The following CPEB1 variants were observed in gnomAD, a reference collection of about 807,000 sequenced individuals.
CPEB1 encodes the protein cytoplasmic polyadenylation element-binding protein 1.
A neutral mutation model predicts 65.8 loss-of-function variants in CPEB1; 7 were observed. That is an observed-to-expected ratio of 0.11 (90% CI 0.06 to 0.20). CPEB1 has a LOEUF of 0.20. Ranked by LOEUF, CPEB1 falls within the 10% of genes least tolerant of loss-of-function variation. The pLI is 1.00. For synonymous variants in CPEB1, 262 were observed against 260.0 expected, an observed-to-expected ratio of 1.01 and a Z score of -0.08; for missense variants, 551 against 712.2, an observed-to-expected ratio of 0.77 and a Z score of 2.58.
At chr15:82,626,288 G>C in intron 3 of CPEB1, among the ~76,000 whole-genome samples, 1 of 151,602 alleles carries the variant, frequency 6.6e-6, no homozygotes, top group East Asian at 1.9e-4. Flanking sequence ...ACAAAAATTA[G>C]CTGGGTGTGG....
At chr15:82,571,782 C>T in intron 3 of CPEB1, 1 of 1,281,444 alleles carries the variant, frequency 7.8e-7, no homozygotes, top group Non-Finnish European at 9.9e-7. Context: ...AGCATGTGAT[C>T]AGGCTGCTGA....
At chr15:82,545,372 G>C (rs2034997483) in intron 12 of CPEB1, among the ~76,000 whole-genome samples, 1 of 152,134 alleles carries the variant, frequency 6.6e-6, no homozygotes, top group Non-Finnish European at 1.5e-5. Flanking sequence ...CTCCAAATCT[G>C]ATCAATGGCA....
At chr15:82,620,608 G>A (rs1438582078) in intron 3 of CPEB1, among the ~76,000 whole-genome samples, 3 of 151,922 alleles carry the variant, frequency 2.0e-5, no homozygotes, top group African/African-American at 7.3e-5. Flanking sequence ...GACCAGCCTG[G>A]TCAACACAGC....
At chr15:82,546,661 G>A in intron 11 of CPEB1, 140 bp from the exon 12 acceptor site, 1 of 686,118 alleles carries the variant, frequency 1.5e-6, no homozygotes, top group South Asian at 1.8e-5. Context: ...TTTAAAGGAG[G>A]CTTGGAGAGA....
chr15:82,646,533 T>C (rs1430978067), intron 1 of CPEB1, among the ~76,000 whole-genome samples: 1 of 151,914 alleles, frequency 6.6e-6, no homozygotes, highest in African/African-American at 2.4e-5. Flanking sequence ...CGAATTCGGC[T>C]CCCGACTCTC....
chr15:82,552,055 C>A (rs1184099696), intron 9 of CPEB1, among the ~76,000 whole-genome samples: 1 of 152,152 alleles, frequency 6.6e-6, no homozygotes, highest in Non-Finnish European at 1.5e-5. Context: ...GAATTCACCC[C>A]CACAGACTGG....
chr15:82,566,913 A>G (rs1181356614), intron 4 of CPEB1, among the ~76,000 whole-genome samples: 1 of 152,088 alleles, frequency 6.6e-6, no homozygotes, highest in Non-Finnish European at 1.5e-5. Flanking sequence ...TCTTTGAAGA[A>G]TCTGTCCATC....
intron 3 of CPEB1, among the ~76,000 whole-genome samples, chr15:82,573,607 T>C (rs948525588): frequency 5.9e-5 from 9 of 152,072 alleles, no homozygotes; most frequent in African/African-American, 1.9e-4. Context: ...TTTCTACCCA[T>C]TAAAATCAGG....
intron 3 of CPEB1, among the ~76,000 whole-genome samples, chr15:82,600,620 T>A (rs1596085765): frequency 6.6e-6 from 1 of 152,200 alleles, no homozygotes; most frequent in African/African-American, 2.4e-5. Context: ...TTGCATTTTC[T>A]AGGACGTGAT....
chr15:82,615,798 G>C (rs2044654194), intron 3 of CPEB1, among the ~76,000 whole-genome samples: 1 of 152,128 alleles, frequency 6.6e-6, no homozygotes, highest in South Asian at 2.1e-4. Flanking sequence ...AACTTGAAGT[G>C]TGAAGACAAT....
Position 82,549,634 on chromosome 15 carries a change from C to T in CPEB1, c.1306G>A (p.Ala436Thr). 6.2e-7 allele frequency: 1 copy of T among 1,614,166 alleles called. No homozygotes were observed. The highest frequency in any genetic ancestry group is 8.5e-7 in the Non-Finnish European group (1 of 1,180,034). Residue 436 changes from alanine to threonine, a missense_variant, in exon 10 of 13, where the codon GCC becomes ACC. Around this residue, in one of 6 missense-constraint regions of CPEB1, gnomAD observed 99 missense variants for 161.3 expected, o/e 0.61. Coordinates refer to ENST00000684509, the MANE Select transcript of CPEB1 (RefSeq NM_001365242.1). ...KEVQVIPWVL[A>T]DSNFVRSPSQ... ...GGGCTCCGGACAAAGTTACTGTCGG[C>T]TAATACCCAGGGGATCACCTGCACC...
At chr15:82,643,389 T>C (rs933548299) in intron 1 of CPEB1, among the ~76,000 whole-genome samples, 1 of 152,128 alleles carries the variant, frequency 6.6e-6, no homozygotes, top group Non-Finnish European at 1.5e-5. Context: ...CCCAGCACTG[T>C]GGGAGGCTGA....
chr15:82,558,085 G>A, intron 4 of CPEB1, 99 bp from the exon 5 acceptor site: 1 of 773,758 alleles, frequency 1.3e-6, no homozygotes, highest in Non-Finnish European at 2.1e-6. Flanking sequence ...GATACCAAAG[G>A]CAAGACAACT....
chr15:82,546,014 C>T (rs80029988), intron 12 of CPEB1, among the ~76,000 whole-genome samples: 2 of 152,152 alleles, frequency 1.3e-5, no homozygotes, highest in Middle Eastern at 3.4e-3. Flanking sequence ...ATGTCTGTCC[C>T]GGTCTGACCT....
chr15:82,615,243 T>A (rs1469302619), intron 3 of CPEB1, among the ~76,000 whole-genome samples: 1 of 152,216 alleles, frequency 6.6e-6, no homozygotes, highest in Non-Finnish European at 1.5e-5. Flanking sequence ...AGAATGTATA[T>A]GTTTACACCA....
intron 3 of CPEB1, among the ~76,000 whole-genome samples, chr15:82,623,820 T>C (rs2045524355): frequency 6.6e-6 from 1 of 152,238 alleles, no homozygotes; most frequent in Non-Finnish European, 1.5e-5. Context: ...ACTTCGCTTT[T>C]TTTCATTTCA....
intron 1 of CPEB1, among the ~76,000 whole-genome samples, chr15:82,630,693 C>G (rs1040868876): frequency 6.6e-6 from 1 of 152,098 alleles, no homozygotes; most frequent in African/African-American, 2.4e-5. Flanking sequence ...GTACATTGTC[C>G]TCCAAGCCAA....
In CPEB1 at chr15:82,630,125, G is replaced by A. The variant is rs1442140985; in HGVS notation, c.-97-1569C>T. The A allele has an allele frequency of 3.0e-6, 3 of 985,088 alleles. No homozygotes were observed. The East Asian group carries it at 3.4e-4, about 112-fold the overall frequency. 61.0% of individuals were successfully genotyped at this position (985,088 alleles called of 1,614,324 possible). A position where few individuals can be genotyped will look rare whatever the true frequency, so the allele number is the denominator to read the frequency against. ...GCAAAGATTTATAACCTGCAGAGAG[G>A]AGGTCTCGCTGTGTTGCCCAGGCTG... On this transcript the variant is annotated intron_variant, in intron 1 of 12. Coordinates refer to ENST00000684509, the MANE Select transcript of CPEB1 (RefSeq NM_001365242.1).
chr15:82,546,386 C>A, intron 12 of CPEB1, 55 bp downstream of exon 12: 2 of 1,451,414 alleles, frequency 1.4e-6, no homozygotes, highest in Non-Finnish European at 1.9e-6. Context: ...TGAACCACCG[C>A]GCCCAGCCAA....
Sources: gnomAD v4.1 joint callset for allele counts (sites outside exome capture counted in the v4.1 genomes callset) on GRCh38, gnomAD v4.1.1 for gene constraint, gnomAD v4.1.1 regional missense constraint, MANE v1.5 for transcripts, NCBI Gene and HGNC (gene_info 2026-07-23, HGNC 2026-07-21) for gene names.